Variants in UNK observed in about 807,000 individuals in gnomAD.
UNK encodes the protein RING finger protein unkempt homolog.
Under a neutral mutation model 97.6 loss-of-function variants are expected in UNK, and 32 were observed. That is an observed-to-expected ratio of 0.33 (90% CI 0.25 to 0.44). The LOEUF is 0.44. Among genes scored for constraint, UNK ranks in the 20% least tolerant of loss-of-function variants. UNK has a pLI of 1.00. For missense variants in UNK, 771 were observed against 1,098.4 expected, an observed-to-expected ratio of 0.70 and a Z score of 4.21; for synonymous variants, 441 against 461.2, an observed-to-expected ratio of 0.96 and a Z score of 0.56.
chr17:75,792,119 C>A (rs996590114), intron 1 of UNK: 1 of 956,070 alleles, frequency 1.0e-6, no homozygotes, highest in African/African-American at 1.8e-5. Flanking sequence ...TGCAGGCTTT[C>A]CTGCCAGACC....
At chr17:75,796,118 G>T (rs2061803614) in intron 1 of UNK, among the ~76,000 whole-genome samples, 4 of 152,080 alleles carry the variant, frequency 2.6e-5, no homozygotes, top group Admixed American at 2.6e-4. Context: ...CTGACTAAAG[G>T]CCAGTGTGGG....
chr17:75,788,545 G>T (rs984303071), intron 1 of UNK, among the ~76,000 whole-genome samples: 4 of 151,988 alleles, frequency 2.6e-5, no homozygotes, highest in Non-Finnish European at 4.4e-5. Context: ...GTAGAGATGG[G>T]GTTTCACCAT....
chr17:75,785,087 C>T (rs75137507), intron 1 of UNK, 103 bp downstream of exon 1: 38 of 741,810 alleles, frequency 5.1e-5, no homozygotes, highest in Non-Finnish European at 6.5e-5. Flanking sequence ...CTTCCTCCCC[C>T]CCTTCCTCCT....
At chr17:75,811,602 AGGCAGCAGCAG>A (rs2061969656) in intron 2 of UNK, among the ~76,000 whole-genome samples, 1 of 152,242 alleles carries the variant, frequency 6.6e-6, no homozygotes, top group Non-Finnish European at 1.5e-5. Flanking sequence ...TTTAGGCTGC[AGGCAGCAGCAG>A]GGCAGTTCTG....
chr17:75,791,897 T>A (rs1390890979), intron 1 of UNK: 12 of 985,248 alleles, frequency 1.2e-5, no homozygotes, highest in Non-Finnish European at 1.4e-5. Flanking sequence ...GAGAAATCCA[T>A]CTTGGGCACA....
intron 1 of UNK, among the ~76,000 whole-genome samples, chr17:75,800,367 T>C (rs944170254): frequency 2.0e-5 from 3 of 150,290 alleles, no homozygotes; most frequent in African/African-American, 7.3e-5. Context: ...CACTGTGCCC[T>C]CCCTTCACAT....
At position 75,818,250 on chromosome 17, in the gene UNK, G is replaced by C; in HGVS notation, c.1371+82G>C. 1 of 1,495,644 alleles carries C rather than the reference G, an allele frequency of 6.7e-7. No individual in the cohort carries two copies. 92.6% of individuals were successfully genotyped at this position (1,495,644 alleles called of 1,614,324 possible). A position where few individuals can be genotyped will look rare whatever the true frequency, so the allele number is the denominator to read the frequency against. ...CCCCAGGAGGCTTCGGGGAGTGGGA[G>C]GCACCACTTTTCCCAAAAGCTGAGG... On this transcript the variant is annotated intron_variant, in intron 10 of 15. Coordinates refer to ENST00000589666, the MANE Select transcript of UNK (RefSeq NM_001080419.3). The surrounding 1 kb of genome is among the most constrained non-coding windows in gnomAD (Gnocchi z 5.1).
chr17:75,804,027 T>A (rs79746341), intron 1 of UNK, among the ~76,000 whole-genome samples: 1 of 152,244 alleles, frequency 6.6e-6, no homozygotes, highest in African/African-American at 2.4e-5. Flanking sequence ...TAAACTGCCT[T>A]GTATACTTCC....
At chr17:75,785,062 A>AT (rs1286583718) in intron 1 of UNK, 78 bp downstream of exon 1, 1 of 1,033,426 alleles carries the variant, frequency 9.7e-7, no homozygotes, top group Non-Finnish European at 1.3e-6. Flanking sequence ...GCGCAGGGAG[A>AT]GCGCGAGGCG....
chr17:75,823,049 G>A (rs2062083400), intron 14 of UNK, among the ~76,000 whole-genome samples: 1 of 152,146 alleles, frequency 6.6e-6, no homozygotes, highest in Admixed American at 6.5e-5. Context: ...GCTGTGCTAG[G>A]CCCAGGTCCC....
At chr17:75,804,723 C>G (rs2143742712) in intron 1 of UNK, among the ~76,000 whole-genome samples, 1 of 152,008 alleles carries the variant, frequency 6.6e-6, no homozygotes, top group East Asian at 1.9e-4. Context: ...ACCTGTAATC[C>G]CAGCTACTCG....
chr17:75,795,573 C>T (rs965990415), intron 1 of UNK, among the ~76,000 whole-genome samples: 5 of 152,170 alleles, frequency 3.3e-5, no homozygotes, highest in African/African-American at 7.2e-5. Flanking sequence ...CTCCTGACCT[C>T]GAGTGATCTG....
In UNK at chr17:75,812,603, T is replaced by C. The variant is rs911002225; in HGVS notation, c.622+18T>C. On this transcript the variant is annotated intron_variant, in intron 4 of 15. Coordinates refer to ENST00000589666, the MANE Select transcript of UNK (RefSeq NM_001080419.3). ...GTGGCAAGGTACAGGCATCCACACC[T>C]CGGCCGCGCCCTCCCTATAATCCTG... 3.1e-6 allele frequency: 5 copies of C among 1,609,592 alleles called. No individual in the cohort carries two copies. In the African/African-American group the frequency reaches 6.7e-5, roughly 22 times the overall value.
At chr17:75,822,147 G>C (rs1470727571) in intron 13 of UNK, among the ~76,000 whole-genome samples, 1 of 152,206 alleles carries the variant, frequency 6.6e-6, no homozygotes, top group Non-Finnish European at 1.5e-5. Flanking sequence ...TCGGGGGCCT[G>C]GGACTGCTCT....
intron 1 of UNK, among the ~76,000 whole-genome samples, chr17:75,800,319 CCTTGG>C (rs1181121299): frequency 6.6e-6 from 1 of 152,036 alleles, no homozygotes. Context: ...GATCCACCCG[CCTTGG>C]CCTCTCAGAG....
At chr17:75,793,008 T>G (rs1390608311) in intron 1 of UNK, among the ~76,000 whole-genome samples, 1 of 152,240 alleles carries the variant, frequency 6.6e-6, no homozygotes, top group Non-Finnish European at 1.5e-5. Flanking sequence ...AGGCCCTGTG[T>G]ATCTATTCTA....
chr17:75,797,140 G>T (rs563763894), intron 1 of UNK, among the ~76,000 whole-genome samples: 1 of 152,272 alleles, frequency 6.6e-6, no homozygotes, highest in South Asian at 2.1e-4. Flanking sequence ...TCATATTGTG[G>T]TTAGATTTCA....
chr17:75,784,838 G>T lies in UNK; in HGVS notation c.-43G>T, dbSNP rs780817315. On this transcript the variant is annotated 5_prime_UTR_variant, in exon 1 of 16. Transcript: ENST00000589666. Reference sequence around the variant, plus strand: ...GTCCTCGGCGCGGACCGCGCAGACTGAATAATAAAAGGGGAGCGGCGAAGA... The same window carrying T: ...GTCCTCGGCGCGGACCGCGCAGACTTAATAATAAAAGGGGAGCGGCGAAGA... 1 of 1,594,812 alleles carries T rather than the reference G, an allele frequency of 6.3e-7. No individual in the cohort carries two copies. Among genetic ancestry groups the T allele is most frequent in the Admixed American group, 1.7e-5 (1 of 59,026 alleles).
At chr17:75,813,027 G>T in intron 4 of UNK, 51 bp from the exon 5 acceptor site, 1 of 1,532,378 alleles carries the variant, frequency 6.5e-7, no homozygotes. Flanking sequence ...GCTAGTCTTG[G>T]GGTGCTCCAG....
Sources: gnomAD v4.1 joint callset for allele counts (sites outside exome capture counted in the v4.1 genomes callset) on GRCh38, gnomAD v4.1.1 for gene constraint, Gnocchi (gnomAD v3.1) non-coding constraint, MANE v1.5 for transcripts, NCBI Gene and HGNC (gene_info 2026-07-23, HGNC 2026-07-21) for gene names.